The following MYNN variants were observed in gnomAD, a reference collection of about 807,000 sequenced individuals.
The protein encoded by MYNN is myoneurin.
MYNN carries 22 observed loss-of-function variants against 57.2 expected under a neutral mutation model. The observed-to-expected ratio is 0.38, with a 90% CI of 0.27 to 0.55. MYNN has a LOEUF of 0.55. Among genes scored for constraint, MYNN ranks in the 20% least tolerant of loss-of-function variants. MYNN has a pLI of 0.71. For synonymous variants in MYNN, 241 were observed against 257.1 expected, an observed-to-expected ratio of 0.94 and a Z score of 0.60; for missense variants, 566 against 723.1, an observed-to-expected ratio of 0.78 and a Z score of 2.49.
Position 169,786,455 on chromosome 3 carries a change from C to CT in MYNN, c.1613dup (p.Leu538PhefsTer3). 1 of 1,613,456 alleles carries CT rather than the reference C, an allele frequency of 6.2e-7. No homozygotes were observed. The highest frequency in any genetic ancestry group is 1.7e-4 in the Middle Eastern group (1 of 6,060). The stretch of plus-strand genomic sequence containing the variant: ...CTAGACTCCAGTGCAGAGGATCATA[C>CT]TTTGAGTGAACAGGATTCCATACAA... On this transcript the variant is annotated frameshift_variant, in exon 8 of 8. Coordinates refer to ENST00000349841, the MANE Select transcript of MYNN (RefSeq NM_018657.5). LOFTEE classifies it high-confidence loss of function.
chr3:169,784,590 A>G (rs1778617861), intron 6 of MYNN, 32 bp from the exon 7 acceptor site: 1 of 1,386,656 alleles, frequency 7.2e-7, no homozygotes, highest in Non-Finnish European at 1.0e-6. Flanking sequence ...CTTTTAAAAT[A>G]TTGAAATTTA....
At chr3:169,777,047 G>C (rs1421241060) in intron 2 of MYNN, 1 of 152,172 alleles carries the variant, frequency 6.6e-6, no homozygotes, top group Non-Finnish European at 1.5e-5. Flanking sequence ...ACCTGACCTT[G>C]TTATCTGTTT....
intron 2 of MYNN, among the ~76,000 whole-genome samples, chr3:169,774,895 G>C (rs1778285050): frequency 6.6e-6 from 1 of 152,158 alleles, no homozygotes; most frequent in African/African-American, 2.4e-5. Flanking sequence ...CTGGAGTGCA[G>C]TGGGGCAATC....
In MYNN at chr3:169,774,451, C is replaced by G. The variant is rs201352850; in HGVS notation, c.156C>G (p.Ile52Met). The G allele has an allele frequency of 2.5e-6, 4 of 1,614,084 alleles. No individual in the cohort carries two copies. Among genetic ancestry groups the G allele is most frequent in the Non-Finnish European group, 3.4e-6 (4 of 1,179,990 alleles). The change falls in exon 2 of 8, where the codon ATC (isoleucine) becomes ATG (methionine). Residue 52 changes from isoleucine (I) to methionine (M), a missense_variant. Ile to Met is a conservative substitution (Grantham distance 10, BLOSUM62 1). Around this residue, in one of 4 missense-constraint regions of MYNN, gnomAD observed 261 missense variants for 280.8 expected, o/e 0.93. Coordinates refer to ENST00000349841, the MANE Select transcript of MYNN (RefSeq NM_018657.5). ...CCTTTAGTGAGTATTTTGGTGCGATCTACAGAAGCACTTCTGAGAACAATG... is the reference window on the plus strand; with the variant it reads ...CCTTTAGTGAGTATTTTGGTGCGATGTACAGAAGCACTTCTGAGAACAATG... ...LASFSEYFGAIYRSTSENNVF... is the reference protein window; with the variant it reads ...LASFSEYFGAMYRSTSENNVF...
chr3:169,775,623 C>T (rs1000184827), intron 2 of MYNN, among the ~76,000 whole-genome samples: 8 of 152,004 alleles, frequency 5.3e-5, no homozygotes, highest in Non-Finnish European at 1.2e-4. Flanking sequence ...TCCCACTGAA[C>T]GTTAATTTCT....
chr3:169,776,318 T>A (rs1053604007), intron 2 of MYNN, among the ~76,000 whole-genome samples: 2 of 152,210 alleles, frequency 1.3e-5, no homozygotes, highest in Non-Finnish European at 2.9e-5. Flanking sequence ...TACAACTTAG[T>A]GATTAAGAAA....
chr3:169,784,165 T>C (rs1408385014), intron 6 of MYNN, among the ~76,000 whole-genome samples: 2 of 152,048 alleles, frequency 1.3e-5, no homozygotes, highest in Admixed American at 1.3e-4. Context: ...CATAAAGCAC[T>C]GAACAGTTAT....
intron 6 of MYNN, among the ~76,000 whole-genome samples, 184 bp from the exon 7 acceptor site, chr3:169,784,438 G>A (rs1214255582): frequency 2.0e-5 from 3 of 151,932 alleles, no homozygotes; most frequent in Non-Finnish European, 1.5e-5. Flanking sequence ...TTTGTATAAA[G>A]GAGTGTCTAG....
chr3:169,774,184 G>A, intron 1 of MYNN, 81 bp from the exon 2 acceptor site: 1 of 1,096,360 alleles, frequency 9.1e-7, no homozygotes, highest in Non-Finnish European at 1.3e-6. Context: ...AATTGTTTAA[G>A]TTATGTCCTC....
intron 2 of MYNN, 85 bp from the exon 3 acceptor site, chr3:169,778,683 A>G: frequency 9.6e-7 from 1 of 1,036,742 alleles, no homozygotes; most frequent in Non-Finnish European, 1.4e-6. Context: ...TTAGGTCTTT[A>G]AAATACATTG....
At position 169,788,369 on chromosome 3, in the gene MYNN, G is replaced by T. The variant is rs1466192344; in HGVS notation, c.*1691G>T. The T allele has an allele frequency of 2.0e-5, 3 of 152,106 alleles. No individual in the cohort carries two copies. Among genetic ancestry groups the T allele is most frequent in the African/African-American group, 7.2e-5 (3 of 41,442 alleles). 9.4% of individuals were successfully genotyped at this position (152,106 alleles called of 1,614,324 possible). A position where few individuals can be genotyped will look rare whatever the true frequency, so the allele number is the denominator to read the frequency against. ...CATGTGTATCAAGTTAAAATAGTGG[G>T]TTTAAATACAATTTACAAAGCATTA... On this transcript the variant is annotated 3_prime_UTR_variant, in exon 8 of 8. Coordinates refer to ENST00000349841, the MANE Select transcript of MYNN (RefSeq NM_018657.5).
intron 5 of MYNN, among the ~76,000 whole-genome samples, chr3:169,783,071 C>CA (rs1778566361): frequency 6.6e-6 from 1 of 152,008 alleles, no homozygotes; most frequent in Admixed American, 6.6e-5. Flanking sequence ...AATTCAGATG[C>CA]AAAATAGCAG....
chr3:169,786,300 G>A (rs1298975956), intron 7 of MYNN, 116 bp from the exon 8 acceptor site: 1 of 978,798 alleles, frequency 1.0e-6, no homozygotes, highest in African/African-American at 1.6e-5. Flanking sequence ...GAAACCGCTT[G>A]AGTAAAGGTA....
intron 6 of MYNN, among the ~76,000 whole-genome samples, chr3:169,784,095 C>G (rs1001359775): frequency 1.3e-5 from 2 of 151,950 alleles, no homozygotes; most frequent in African/African-American, 4.8e-5. Context: ...AATGTGAGTA[C>G]TTAATAGAGA....
At chr3:169,781,073 AAGGGTGATGGTGGTTCAGGCC>A (rs1778498304) in intron 4 of MYNN, among the ~76,000 whole-genome samples, 1 of 152,226 alleles carries the variant, frequency 6.6e-6, no homozygotes, top group Non-Finnish European at 1.5e-5. Context: ...AAACCCAAGC[AAGGGTGATGGTGGTTCAGGCC>A]AGGGTGGCAG....
intron 1 of MYNN, among the ~76,000 whole-genome samples, chr3:169,773,740 C>T (rs879706842): frequency 3.9e-5 from 6 of 152,276 alleles, no homozygotes; most frequent in Admixed American, 3.9e-4. Flanking sequence ...GAAGGTGTGG[C>T]CTCCTTAGCG....
Position 169,779,282 on chromosome 3 carries a change from G to C in MYNN, c.781G>C (p.Gly261Arg). 2 of 1,614,168 alleles carry C rather than the reference G, an allele frequency of 1.2e-6. No homozygotes were observed. Among genetic ancestry groups the C allele is most frequent in the Non-Finnish European group, 1.7e-6 (2 of 1,180,044 alleles). The change falls in exon 3 of 8, where the codon GGA becomes CGA. Residue 261 changes from glycine (G) to arginine (R), a missense_variant. This residue lies in a region of MYNN where 261 missense variants were observed against 280.8 expected (regional missense o/e 0.93). Coordinates refer to ENST00000349841, the MANE Select transcript of MYNN (RefSeq NM_018657.5). The part of the protein sequence containing the change: ...VHTVTVKRKR[G>R]KSQPNCALKE... The stretch of plus-strand genomic sequence containing the variant: ...CACTGTTACAGTGAAACGGAAACGT[G>C]GAAAATCACAGCCAAACTGTGCTCT...
chr3:169,780,400 GA>G, intron 3 of MYNN, 189 bp from the exon 4 acceptor site: 1 of 467,162 alleles, frequency 2.1e-6, no homozygotes, highest in Non-Finnish European at 3.7e-6. Context: ...TTTATCTCGT[GA>G]ATTCAGAAAC....
intron 3 of MYNN, 22 bp downstream of exon 3, chr3:169,779,583 ATAT>A (rs1560587413): frequency 2.5e-6 from 4 of 1,600,494 alleles, no homozygotes; most frequent in East Asian, 2.2e-5. Context: ...GTGTGGGGAG[ATAT>A]TATTTTTATA....
Sources: gnomAD v4.1 joint callset for allele counts (sites outside exome capture counted in the v4.1 genomes callset) on GRCh38, gnomAD v4.1.1 for gene constraint, gnomAD v4.1.1 regional missense constraint, MANE v1.5 for transcripts, NCBI Gene and HGNC (gene_info 2026-07-23, HGNC 2026-07-21) for gene names.